HJURP: variants seen among roughly 807,000 people sequenced by gnomAD.
HJURP encodes 14-3-3-associated AKT substrate.
A neutral mutation model predicts 72.0 loss-of-function variants in HJURP; 49 were observed. The observed-to-expected ratio is 0.68, with a 90% CI of 0.54 to 0.86. The LOEUF (loss-of-function observed/expected upper bound fraction) is 0.86. Among genes scored for constraint, HJURP ranks in the 40% least tolerant of loss-of-function variants. The probability of loss-of-function intolerance (pLI) is 0.00; values close to 1 mark genes in which losing one functional copy is unlikely to be tolerated. For missense variants in HJURP, 908 were observed against 936.3 expected, an observed-to-expected ratio of 0.97 and a Z score of 0.39; for synonymous variants, 357 against 347.1, an observed-to-expected ratio of 1.03 and a Z score of -0.32.
intron 7 of HJURP, 68 bp downstream of exon 7, chr2:233,844,137 G>A (rs1036809886): frequency 6.3e-6 from 8 of 1,271,214 alleles, no homozygotes; most frequent in Non-Finnish European, 9.2e-6. Flanking sequence ...CAGCTCTGAG[G>A]GGCCACGCAG....
chr2:233,849,712 G>T, intron 4 of HJURP, 51 bp downstream of exon 4: 1 of 1,199,788 alleles, frequency 8.3e-7, no homozygotes, highest in Non-Finnish European at 1.2e-6. Context: ...TAACAGGTGC[G>T]TCAGACCTGG....
rs368262451 is a variant in HJURP, at chr2:233,841,963, G to A, written c.817C>T (p.Arg273Trp). 12 of 1,614,022 alleles carry A rather than the reference G, an allele frequency of 7.4e-6. No homozygotes were observed. In the African/African-American group the frequency reaches 9.3e-5, roughly 13 times the overall value. ...CTTGATGGCTTTGTGCTCAACAGCCGGCTCATGGAGTGCAGCATCCCTGCG... is the reference window on the plus strand; with the variant it reads ...CTTGATGGCTTTGTGCTCAACAGCCAGCTCATGGAGTGCAGCATCCCTGCG... ...LYAGMLHSMSRLLSTKPSSII... is the reference protein window; with the variant it reads ...LYAGMLHSMSWLLSTKPSSII... The change falls in exon 8 of 9, where the codon CGG (arginine) becomes TGG (tryptophan). Residue 273 changes from arginine (R) to tryptophan (W), a missense_variant. Around this residue, in one of 3 missense-constraint regions of HJURP, gnomAD observed 598 missense variants for 619.5 expected, o/e 0.97. Transcript: ENST00000411486.
Position 233,841,046 on chromosome 2 carries a change from A to G in HJURP, c.1734T>C (p.Asp578=). ...GCTTGTCAAATTCTTCTTTAATTTCATCGTAACGATTCCTTCCGTGGCCTG... is the reference window on the plus strand; with the variant it reads ...GCTTGTCAAATTCTTCTTTAATTTCGTCGTAACGATTCCTTCCGTGGCCTG... ...EVPGHGRNRY[D]EIKEEFDKLH... The change falls in exon 8 of 9, where the codon GAT becomes GAC. Residue 578 remains aspartate, a synonymous_variant. Transcript: ENST00000411486. The G allele has an allele frequency of 6.2e-7, 1 of 1,614,204 alleles. No homozygotes were observed. The highest frequency in any genetic ancestry group is 2.2e-5 in the East Asian group (1 of 44,884).
chr2:233,842,591 T>TA (rs774748958), intron 7 of HJURP, among the ~76,000 whole-genome samples: 23 of 70,638 alleles, frequency 3.3e-4, no homozygotes, highest in African/African-American at 4.7e-4. Flanking sequence ...TTCCTATATT[T>TA]AAAAAAAAAA....
intron 4 of HJURP, among the ~76,000 whole-genome samples, 187 bp downstream of exon 4, chr2:233,849,576 G>A (rs928629352): frequency 6.6e-6 from 1 of 152,204 alleles, no homozygotes; most frequent in African/African-American, 2.4e-5. Context: ...GGCACCGGAT[G>A]TAACTGTGGG....
At chr2:233,840,174 C>T (rs926369654) in intron 8 of HJURP, among the ~76,000 whole-genome samples, 4 of 151,896 alleles carry the variant, frequency 2.6e-5, no homozygotes, top group Non-Finnish European at 4.4e-5. Flanking sequence ...TCCCAGGCCA[C>T]TCTTGCTCTT....
chr2:233,841,272 TTTTC>T lies in HJURP; in HGVS notation c.1504_1507del (p.Glu502ThrfsTer2). The T allele has an allele frequency of 4.3e-6, 7 of 1,614,118 alleles. No homozygotes were observed. The highest frequency in any genetic ancestry group is 5.9e-6 in the Non-Finnish European group (7 of 1,179,946). ...TGCTTCCAGAGATCTTTTGCCTAGGTTTTCAAAAGCCTCACTTAAACTTTTTGCT... is the reference window on the plus strand; with the variant it reads ...TGCTTCCAGAGATCTTTTGCCTAGGTAAAAGCCTCACTTAAACTTTTTGCT... On this transcript the variant is annotated frameshift_variant, in exon 8 of 9. Transcript: ENST00000411486. LOFTEE classifies it high-confidence loss of function.
intron 3 of HJURP, among the ~76,000 whole-genome samples, chr2:233,850,844 C>T (rs183138544): frequency 1.3e-4 from 20 of 152,336 alleles, no homozygotes; most frequent in African/African-American, 4.8e-4. Flanking sequence ...CTGGTAGCTA[C>T]AAACAGAACC....
rs528380072 is a variant in HJURP, at chr2:233,839,261, C to T, written c.2171+1348G>A. ...GACTGGTCTGTGTCCAGACAGCTCC[C>T]CACTGCAGCACCCACCATGTGCAGC... On this transcript the variant is annotated intron_variant, in intron 8 of 8. Coordinates refer to ENST00000411486, the MANE Select transcript of HJURP (RefSeq NM_018410.5). 7.9e-5 allele frequency among the ~76,000 whole-genome samples: 12 copies of T among 152,358 alleles called. No individual in the cohort carries two copies. The South Asian group carries it at 2.5e-3, about 32-fold the overall frequency.
In HJURP at chr2:233,847,438, C is replaced by A. The variant is rs767942299; in HGVS notation, c.361G>T (p.Ala121Ser). 1 of 1,614,128 alleles carries A rather than the reference C, an allele frequency of 6.2e-7. No individual in the cohort carries two copies. The highest frequency in any genetic ancestry group is 8.5e-7 in the Non-Finnish European group (1 of 1,179,944). Residue 121 changes from alanine (A) to serine (S), a missense_variant, in exon 5 of 9, where the codon GCC becomes TCC. Around this residue, in one of 3 missense-constraint regions of HJURP, gnomAD observed 299 missense variants for 286.7 expected, o/e 1.04. Transcript: ENST00000411486. Reference protein sequence around the residue: ...GADSKSGEVDATSDQEESVAW... With the variant: ...GADSKSGEVDSTSDQEESVAW... ...ACTGACTCTTCCTGGTCTGACGTGG[C>A]ATCGACCTCACCGCTTTTTGAATCT...
At position 233,844,427 on chromosome 2, in the gene HJURP, C is replaced by A. The variant is rs111825389; in HGVS notation, c.496-144G>T. The A allele has an allele frequency of 9.6e-4, 646 of 670,474 alleles. 3 individuals carry two copies. The African/African-American group carries it at 0.01, about 11-fold the overall frequency. 41.5% of individuals were successfully genotyped at this position (670,474 alleles called of 1,614,324 possible). A position where few individuals can be genotyped will look rare whatever the true frequency, so the allele number is the denominator to read the frequency against. Reference sequence around the variant, plus strand: ...GTGTGAATGTGGTGACAGTGGCCAGCTAGGCTTCGGGCAGTGGGAAGAAAA... The same window carrying A: ...GTGTGAATGTGGTGACAGTGGCCAGATAGGCTTCGGGCAGTGGGAAGAAAA... On this transcript the variant is annotated intron_variant, in intron 6 of 8. Coordinates refer to ENST00000411486, the MANE Select transcript of HJURP (RefSeq NM_018410.5).
At chr2:233,854,320 G>C in intron 1 of HJURP, 64 bp downstream of exon 1, 2 of 1,159,942 alleles carry the variant, frequency 1.7e-6, no homozygotes, top group Non-Finnish European at 2.5e-6. Context: ...CCCGTCCTAC[G>C]TCCCCTCCCA....
At position 233,837,612 on chromosome 2, in the gene HJURP, A is replaced by T. The variant is rs1401842085; in HGVS notation, c.2212T>A (p.Phe738Ile). ...TTAGTTTCCAATTTTTCTAGCATGA[A>T]ATCACTTTTCTCTTCCATCCTGTAA... ...TSYRMEEKSD[F>I]MLEKLETKSV The change falls in exon 9 of 9, where the codon TTC becomes ATC. Residue 738 changes from phenylalanine to isoleucine, a missense_variant. Phe to Ile is a conservative substitution (Grantham distance 21). This residue lies in a region of HJURP where 598 missense variants were observed against 619.5 expected (regional missense o/e 0.97). Transcript: ENST00000411486. The T allele has an allele frequency of 6.2e-7, 1 of 1,612,188 alleles. No individual in the cohort carries two copies. The highest frequency in any genetic ancestry group is 1.7e-5 in the Admixed American group (1 of 59,966).
chr2:233,843,454 G>A (rs773141109), intron 7 of HJURP, among the ~76,000 whole-genome samples: 8 of 152,112 alleles, frequency 5.3e-5, no homozygotes, highest in Middle Eastern at 3.2e-3. Flanking sequence ...GAGAGGACAC[G>A]TCATCCCTGT....
At chr2:233,848,386 C>T (rs1705418723) in intron 4 of HJURP, among the ~76,000 whole-genome samples, 1 of 152,170 alleles carries the variant, frequency 6.6e-6, no homozygotes, top group South Asian at 2.1e-4. Context: ...TGGGTTCTGG[C>T]CTTTTACCCC....
intron 8 of HJURP, 114 bp from the exon 9 acceptor site, chr2:233,837,766 T>C: frequency 2.9e-6 from 2 of 692,824 alleles, no homozygotes; most frequent in Non-Finnish European, 5.0e-6. Flanking sequence ...ATAAAAATAC[T>C]TATAGAAAGT....
Position 233,841,271 on chromosome 2 carries a change from G to C in HJURP, c.1509C>G (p.Asn503Lys). The C allele has an allele frequency of 3.1e-6, 5 of 1,614,060 alleles. No individual in the cohort carries two copies. The highest frequency in any genetic ancestry group is 4.2e-6 in the Non-Finnish European group (5 of 1,179,936). Residue 503 changes from asparagine to lysine, a missense_variant, in exon 8 of 9, where the codon AAC becomes AAG. Around this residue, in one of 3 missense-constraint regions of HJURP, gnomAD observed 598 missense variants for 619.5 expected, o/e 0.97. Coordinates refer to ENST00000411486, the MANE Select transcript of HJURP (RefSeq NM_018410.5). Reference protein sequence around the residue: ...KAKSLSEAFENLGKRSLEAGR... With the variant: ...KAKSLSEAFEKLGKRSLEAGR... The stretch of plus-strand genomic sequence containing the variant: ...CTGCTTCCAGAGATCTTTTGCCTAG[G>C]TTTTCAAAAGCCTCACTTAAACTTT...
At chr2:233,837,795 T>C (rs1243675110) in intron 8 of HJURP, 143 bp from the exon 9 acceptor site, 2 of 624,756 alleles carry the variant, frequency 3.2e-6, no homozygotes, top group African/African-American at 1.8e-5. Context: ...GTTAAATAAG[T>C]AAGTTATGTT....
intron 5 of HJURP, among the ~76,000 whole-genome samples, chr2:233,847,084 G>C (rs886129935): frequency 6.6e-6 from 1 of 152,176 alleles, no homozygotes; most frequent in Non-Finnish European, 1.5e-5. Flanking sequence ...CTTTCCTGTC[G>C]TGTGCTCATC....
Sources: gnomAD v4.1 joint callset for allele counts (sites outside exome capture counted in the v4.1 genomes callset) on GRCh38, gnomAD v4.1.1 for gene constraint, gnomAD v4.1.1 regional missense constraint, MANE v1.5 for transcripts, NCBI Gene and HGNC (gene_info 2026-07-23, HGNC 2026-07-21) for gene names.